The following TUSC3 variants were observed in gnomAD, a reference collection of about 807,000 sequenced individuals.
TUSC3 encodes tumor suppressor candidate 3.
In TUSC3, 45 loss-of-function variants were observed where a neutral mutation model predicts 44.8. That is an observed-to-expected ratio of 1.00 (90% CI 0.79 to 1.29). TUSC3 has a LOEUF of 1.29. TUSC3 is among the 50% of genes most tolerant of loss of function. TUSC3 has a pLI of 0.00. For missense variants in TUSC3, 519 were observed against 437.9 expected (o/e 1.19, Z -1.65); for synonymous variants, 212 against 152.9 (o/e 1.39, Z -2.85).
the TUSC3 span, among the ~76,000 whole-genome samples, chr8:15,775,721 CACAA>C: frequency 4.2e-5 from 6 of 141,904 alleles, no homozygotes; most frequent in South Asian, 4.4e-4. Flanking sequence ...TATATACACA[CACAA>C]ACATATATAA....
chr8:15,848,476 C>A, the TUSC3 span, among the ~76,000 whole-genome samples: 1 of 152,174 alleles, frequency 6.6e-6, no homozygotes, highest in Non-Finnish European at 1.5e-5. Context: ...GATGCCTCAG[C>A]TGTGGTGCAA....
intron 1 of TUSC3, among the ~76,000 whole-genome samples, chr8:15,601,256 G>C (rs1003467487): frequency 2.0e-5 from 3 of 151,562 alleles, no homozygotes; most frequent in African/African-American, 7.3e-5. Context: ...GTTTGAATTT[G>C]TCAGTCTATA....
chr8:15,728,978 A>G (rs535548705), intron 6 of TUSC3, among the ~76,000 whole-genome samples: 1 of 152,254 alleles, frequency 6.6e-6, no homozygotes, highest in Admixed American at 6.5e-5. Context: ...ACATTGAGAT[A>G]TGACCATAGG....
At chr8:15,491,244 C>G (rs1486732885) in intron 2 of TUSC3, among the ~76,000 whole-genome samples, 1 of 152,180 alleles carries the variant, frequency 6.6e-6, no homozygotes, top group African/African-American at 2.4e-5. Context: ...GATAAGCTAT[C>G]AATTTACACT....
At chr8:15,511,722 T>G (rs1355436873) in intron 2 of TUSC3, among the ~76,000 whole-genome samples, 2 of 151,964 alleles carry the variant, frequency 1.3e-5, no homozygotes, top group Non-Finnish European at 2.9e-5. Flanking sequence ...ATAAAAGAAT[T>G]AGCCGGGCGT....
chr8:15,595,326 C>G (rs956835078), intron 1 of TUSC3, among the ~76,000 whole-genome samples: 1 of 152,112 alleles, frequency 6.6e-6, no homozygotes, highest in African/African-American at 2.4e-5. Context: ...AATCTTTCCT[C>G]TTTAGTACTC....
chr8:15,510,628 T>C (rs1392285375), intron 2 of TUSC3, among the ~76,000 whole-genome samples: 1 of 152,156 alleles, frequency 6.6e-6, no homozygotes, highest in Non-Finnish European at 1.5e-5. Flanking sequence ...CAGGCCCAGA[T>C]GGCTCTCTTG....
chr8:15,642,447 T>C (rs545284391), intron 2 of TUSC3, among the ~76,000 whole-genome samples: 2 of 152,320 alleles, frequency 1.3e-5, no homozygotes, highest in South Asian at 2.1e-4. Context: ...TAAATCTCCA[T>C]GAATGTTTCT....
intron 7 of TUSC3, 47 bp from the exon 8 acceptor site, chr8:15,743,491 G>C (rs1174185874): frequency 1.6e-5 from 26 of 1,598,246 alleles, no homozygotes; most frequent in African/African-American, 4.0e-5. Flanking sequence ...AAAATTAATA[G>C]ATTTTATTCA....
At chr8:15,688,692 TAGG>T (rs1808752187) in intron 6 of TUSC3, among the ~76,000 whole-genome samples, 1 of 152,174 alleles carries the variant, frequency 6.6e-6, no homozygotes, top group African/African-American at 2.4e-5. Context: ...AGGCTGCTGT[TAGG>T]AGATTTCCCT....
At chr8:15,673,638 T>C (rs1808055007) in intron 5 of TUSC3, 109 bp from the exon 6 acceptor site, 4 of 929,044 alleles carry the variant, frequency 4.3e-6, no homozygotes, top group Non-Finnish European at 6.9e-6. Flanking sequence ...ATGTGTGAGC[T>C]GATACATGAT....
At chr8:15,667,776 A>G (rs1807734620) in intron 5 of TUSC3, among the ~76,000 whole-genome samples, 1 of 151,746 alleles carries the variant, frequency 6.6e-6, no homozygotes, top group African/African-American at 2.4e-5. Flanking sequence ...TTCTTTTTTT[A>G]AATACAATGT....
At chr8:15,802,127 T>G in the TUSC3 span, among the ~76,000 whole-genome samples, 1 of 151,974 alleles carries the variant, frequency 6.6e-6, no homozygotes, top group Non-Finnish European at 1.5e-5. Flanking sequence ...CACGTAAGAG[T>G]AGAAAGAGGG....
chr8:15,756,461 G>C (rs1053184570), intron 9 of TUSC3, among the ~76,000 whole-genome samples: 1 of 152,112 alleles, frequency 6.6e-6, no homozygotes, highest in Non-Finnish European at 1.5e-5. Flanking sequence ...TTCAGCAACT[G>C]ATTATTCAGT....
intron 2 of TUSC3, among the ~76,000 whole-genome samples, chr8:15,516,295 G>GT (rs1333547948): frequency 2.0e-5 from 3 of 152,094 alleles, no homozygotes; most frequent in African/African-American, 7.2e-5. Context: ...TTTATTTCAA[G>GT]TTTTTAAAGC....
At chr8:15,530,093 T>G (rs1321688174) in intron 2 of TUSC3, among the ~76,000 whole-genome samples, 1 of 151,912 alleles carries the variant, frequency 6.6e-6, no homozygotes, top group Non-Finnish European at 1.5e-5. Context: ...CCGAAAAAGT[T>G]TTTTACACTC....
intron 7 of TUSC3, among the ~76,000 whole-genome samples, chr8:15,738,827 C>CTTTTTTTTTT (rs375655033): frequency 9.2e-5 from 8 of 87,194 alleles, no homozygotes; most frequent in South Asian, 3.8e-4. Context: ...ATATATCTTG[C>CTTTTTTTTTT]TTTTTTTTTT....
intron 1 of TUSC3, among the ~76,000 whole-genome samples, chr8:15,424,532 C>T (rs967952565): frequency 2.0e-5 from 3 of 152,150 alleles, no homozygotes; most frequent in African/African-American, 7.2e-5. Context: ...CATCTGCCCA[C>T]CGCAGCAGAC....
chr8:15,701,153 C>A (rs1261891410), intron 6 of TUSC3, among the ~76,000 whole-genome samples: 2 of 152,048 alleles, frequency 1.3e-5, no homozygotes, highest in Admixed American at 6.6e-5. Flanking sequence ...TAGCGTAATA[C>A]ACAGATCTTA....
Sources: allele counts gnomAD v4.1 joint callset (sites outside exome capture counted in the v4.1 genomes callset), GRCh38; gene constraint gnomAD v4.1.1; transcripts MANE v1.5; gene names NCBI Gene and HGNC (gene_info 2026-07-23, HGNC 2026-07-21).